Variants in SDK1 observed in about 807,000 individuals in gnomAD.
SDK1 encodes protein sidekick-1.
In SDK1, 157 loss-of-function variants were observed where a neutral mutation model predicts 245.5. The ratio of observed to expected loss-of-function variants is 0.64; its 90% confidence interval spans 0.56 to 0.73. SDK1 has a LOEUF of 0.73. SDK1 is among the 30% of genes least tolerant of loss of function. The pLI, the probability that SDK1 is intolerant of heterozygous loss-of-function variation, is 0.00. For missense variants in SDK1, 3,583 were observed against 3,002.3 expected, an observed-to-expected ratio of 1.19 and a Z score of -4.52; for synonymous variants, 1,647 against 1,278.5, an observed-to-expected ratio of 1.29 and a Z score of -6.15.
chr7:4,132,321 T>G lies in SDK1; in HGVS notation c.4130-4T>G. On this transcript the variant is annotated splice_polypyrimidine_tract_variant and splice_region_variant and intron_variant, in intron 27 of 44. Coordinates refer to ENST00000404826, the MANE Select transcript of SDK1 (RefSeq NM_152744.4). ...ATCTGAATCCCTGTGGTTTTTCCCTTCAGCCCCAGGCCCACCAGTGAGGCT... is the reference window on the plus strand; with the variant it reads ...ATCTGAATCCCTGTGGTTTTTCCCTGCAGCCCCAGGCCCACCAGTGAGGCT... 1 of 1,606,654 alleles carries G rather than the reference T, an allele frequency of 6.2e-7. No individual in the cohort carries two copies. Among genetic ancestry groups the G allele is most frequent in the South Asian group, 1.1e-5 (1 of 90,548 alleles).
chr7:4,185,993 A>G (rs991512448), intron 35 of SDK1, among the ~76,000 whole-genome samples: 2 of 152,146 alleles, frequency 1.3e-5, no homozygotes, highest in Admixed American at 6.5e-5. Context: ...CAGGGAGCTC[A>G]GGGAGGGCCT....
intron 30 of SDK1, among the ~76,000 whole-genome samples, chr7:4,152,976 G>C (rs1469348739): frequency 6.6e-6 from 1 of 152,170 alleles, no homozygotes; most frequent in Non-Finnish European, 1.5e-5. Flanking sequence ...ATGCAGTAGA[G>C]AGGAAGAAGA....
rs116201927 is a variant in SDK1 at position 3,528,559 on chromosome 7, C to G, written c.299-90521C>G. On this transcript the variant is annotated intron_variant, in intron 1 of 44. Coordinates refer to ENST00000404826, the MANE Select transcript of SDK1 (RefSeq NM_152744.4). ...ATTTACAAAAAGATTACTCTCCTTG[C>G]TGTCTGGAGAATCAACCATAGGATT... 4.6e-3 allele frequency among the ~76,000 whole-genome samples: 701 copies of G among 152,192 alleles called. 6 individuals are homozygous for G. Among genetic ancestry groups the G allele is most frequent in the African/African-American group, 0.016 (661 of 41,494 alleles).
intron 4 of SDK1, among the ~76,000 whole-genome samples, chr7:3,774,217 A>C (rs1478215392): frequency 6.1e-5 from 9 of 146,968 alleles, no homozygotes; most frequent in Non-Finnish European, 1.3e-4. Flanking sequence ...TCCATCTCAA[A>C]AAAAAAAAAA....
In SDK1 at chr7:3,606,803, A is replaced by G. The variant is rs60660116; in HGVS notation, c.299-12277A>G. Reference sequence around the variant, plus strand: ...TTTTCTATAGCATTATCATTACATTATATAAAGGTGTTTCTGTTATTATTC... The same window carrying G: ...TTTTCTATAGCATTATCATTACATTGTATAAAGGTGTTTCTGTTATTATTC... On this transcript the variant is annotated intron_variant, in intron 1 of 44. Coordinates refer to ENST00000404826, the MANE Select transcript of SDK1 (RefSeq NM_152744.4). 9.7e-3 allele frequency among the ~76,000 whole-genome samples: 1,474 copies of G among 152,198 alleles called. 19 individuals carry two copies. The highest frequency in any genetic ancestry group is 0.026 in the African/African-American group (1,099 of 41,514).
At chr7:3,639,651 A>G (rs1292766103) in intron 3 of SDK1, among the ~76,000 whole-genome samples, 1 of 152,156 alleles carries the variant, frequency 6.6e-6, no homozygotes, top group African/African-American at 2.4e-5. Flanking sequence ...AGATATCAAG[A>G]ATGCAGGAAG....
intron 2 of SDK1, among the ~76,000 whole-genome samples, chr7:3,623,442 T>G (rs148924624): frequency 0.03 from 4,581 of 152,062 alleles, 201 homozygotes; most frequent in African/African-American, 0.099. Context: ...GGTTTCACCA[T>G]GATGGCCAGG....
intron 5 of SDK1, among the ~76,000 whole-genome samples, chr7:3,908,156 C>G (rs541829345): frequency 6.6e-6 from 1 of 152,278 alleles, no homozygotes; most frequent in African/African-American, 2.4e-5. Flanking sequence ...GAGTAACGTG[C>G]TGAGGGCTGC....
intron 1 of SDK1, among the ~76,000 whole-genome samples, chr7:3,317,260 T>G (rs1314491239): frequency 6.6e-6 from 1 of 151,796 alleles, no homozygotes; most frequent in Non-Finnish European, 1.5e-5. Context: ...GAATCCTATT[T>G]TACATAAAAG....
intron 4 of SDK1, among the ~76,000 whole-genome samples, chr7:3,807,366 C>G (rs12701174): frequency 0.12 from 18,182 of 152,170 alleles, 1,825 homozygotes; most frequent in African/African-American, 0.27. Context: ...GGGGCTCCCT[C>G]TTGAGACCCA....
chr7:3,862,301 C>A (rs1200968995), intron 5 of SDK1, among the ~76,000 whole-genome samples: 1 of 152,112 alleles, frequency 6.6e-6, no homozygotes, highest in Non-Finnish European at 1.5e-5. Context: ...TTTCAAGTTC[C>A]CCAGGTAATT....
At chr7:3,479,602 G>A (rs1010762257) in intron 1 of SDK1, among the ~76,000 whole-genome samples, 3 of 151,306 alleles carry the variant, frequency 2.0e-5, no homozygotes, top group Non-Finnish European at 2.9e-5. Context: ...GGTGGCTCAC[G>A]CCTGTAATCC....
intron 4 of SDK1, among the ~76,000 whole-genome samples, chr7:3,703,292 G>A (rs1416992875): frequency 6.6e-6 from 1 of 152,166 alleles, no homozygotes; most frequent in Non-Finnish European, 1.5e-5. Flanking sequence ...TCATAAAGGA[G>A]TGAGCCGTTA....
At chr7:3,454,014 A>G (rs1274270670) in intron 1 of SDK1, among the ~76,000 whole-genome samples, 1 of 152,214 alleles carries the variant, frequency 6.6e-6, no homozygotes, top group Non-Finnish European at 1.5e-5. Context: ...ATTAGAAGTT[A>G]TGTAGATTTT....
At chr7:3,544,333 G>C (rs1353201391) in intron 1 of SDK1, among the ~76,000 whole-genome samples, 1 of 152,224 alleles carries the variant, frequency 6.6e-6, no homozygotes, top group African/African-American at 2.4e-5. Flanking sequence ...AGAGAAAGTG[G>C]TGTGGGAAAC....
At position 4,238,926 on chromosome 7, in the gene SDK1, C is replaced by G. The variant is rs181476139; in HGVS notation, c.6130+1142C>G. 1.2e-3 allele frequency among the ~76,000 whole-genome samples: 187 copies of G among 152,228 alleles called. 1 individual carries two copies. Among genetic ancestry groups the G allele is most frequent in the Non-Finnish European group, 2.1e-3 (146 of 68,018 alleles). ...ATTGTACTATGCAATATTATAAACA[C>G]AGTGACCTGGGGCACTGCTCAGACG... On this transcript the variant is annotated intron_variant, in intron 42 of 44. Transcript: ENST00000404826.
At chr7:3,788,139 A>T (rs1780964156) in intron 4 of SDK1, among the ~76,000 whole-genome samples, 1 of 151,876 alleles carries the variant, frequency 6.6e-6, no homozygotes, top group Admixed American at 6.6e-5. Context: ...GCAGGAAGCC[A>T]CTCTGCACTC....
intron 4 of SDK1, among the ~76,000 whole-genome samples, chr7:3,775,470 A>G (rs954034413): frequency 6.6e-6 from 1 of 151,068 alleles, no homozygotes; most frequent in Non-Finnish European, 1.5e-5. Context: ...CCCAGACCAG[A>G]TGTATCTCCA....
rs904050432 is a variant in SDK1 at position 3,876,388 on chromosome 7, G to A, written c.847+54805G>A. Among the ~76,000 whole-genome samples, 5 of 152,092 alleles carry A rather than the reference G, an allele frequency of 3.3e-5. No homozygotes were observed. In the South Asian group the frequency reaches 1.0e-3, roughly 32 times the overall value. Reference sequence around the variant, plus strand: ...CCTGTTTTGAGGACCTTCTACCATGGGATGTGGAAAGAATCATCACATCAA... The same window carrying A: ...CCTGTTTTGAGGACCTTCTACCATGAGATGTGGAAAGAATCATCACATCAA... On this transcript the variant is annotated intron_variant, in intron 5 of 44. Coordinates refer to ENST00000404826, the MANE Select transcript of SDK1 (RefSeq NM_152744.4).
Sources: allele counts gnomAD v4.1 joint callset (sites outside exome capture counted in the v4.1 genomes callset), GRCh38; gene constraint gnomAD v4.1.1; transcripts MANE v1.5; gene names NCBI Gene and HGNC (gene_info 2026-07-23, HGNC 2026-07-21).